DPH6: variants seen among roughly 807,000 people sequenced by gnomAD.
DPH6 encodes diphthamine biosynthesis 6.
DPH6 carries 33 observed loss-of-function variants against 38.2 expected under a neutral mutation model. The ratio of observed to expected loss-of-function variants is 0.86; its 90% confidence interval spans 0.65 to 1.15. The LOEUF is 1.15. Among genes scored for constraint, DPH6 ranks in the 50% most tolerant of loss-of-function variants. The pLI, the probability that DPH6 is intolerant of heterozygous loss-of-function variation, is 0.00. For missense variants in DPH6, 325 were observed against 320.0 expected (o/e 1.02, Z -0.12); for synonymous variants, 108 against 103.0 (o/e 1.05, Z -0.30).
intron 3 of DPH6, among the ~76,000 whole-genome samples, chr15:35,529,332 G>A (rs568980739): frequency 6.6e-6 from 1 of 152,164 alleles, no homozygotes; most frequent in South Asian, 2.1e-4. Flanking sequence ...TGAAGAGTGA[G>A]GTGCTAAACA....
At chr15:35,474,137 TAACATC>T (rs1277453842) in intron 3 of DPH6, among the ~76,000 whole-genome samples, 1 of 152,048 alleles carries the variant, frequency 6.6e-6, no homozygotes, top group Non-Finnish European at 1.5e-5. Flanking sequence ...AAACAAAAAT[TAACATC>T]AACATCAACA....
At chr15:35,486,352 C>T (rs1423360278) in intron 3 of DPH6, among the ~76,000 whole-genome samples, 1 of 151,840 alleles carries the variant, frequency 6.6e-6, no homozygotes, top group Non-Finnish European at 1.5e-5. Flanking sequence ...ACAGCCAACC[C>T]ATATCACTGG....
chr15:35,227,252 C>G (rs767049564), intron 3 of DPH6, among the ~76,000 whole-genome samples: 2 of 133,744 alleles, frequency 1.5e-5, no homozygotes, highest in East Asian at 5.0e-4. Flanking sequence ...GGCGCGATCT[C>G]GGCTCACTGC....
the DPH6 span, among the ~76,000 whole-genome samples, chr15:35,148,507 A>C: frequency 6.6e-6 from 1 of 152,190 alleles, no homozygotes; most frequent in African/African-American, 2.4e-5. Context: ...TATTCCTACC[A>C]TCCACTCAGT....
At chr15:35,304,466 T>G (rs1379158853) in intron 3 of DPH6, among the ~76,000 whole-genome samples, 1 of 152,110 alleles carries the variant, frequency 6.6e-6, no homozygotes, top group Non-Finnish European at 1.5e-5. Context: ...AGAGAAGTCC[T>G]AAGCTGACAG....
intron 6 of DPH6, among the ~76,000 whole-genome samples, chr15:35,382,806 G>T (rs1035741017): frequency 6.6e-6 from 1 of 151,604 alleles, no homozygotes; most frequent in Admixed American, 6.6e-5. Flanking sequence ...TTCAAGAAAG[G>T]TTGGGTAACT....
At chr15:35,264,568 A>C (rs769920814) in intron 3 of DPH6, among the ~76,000 whole-genome samples, 1 of 152,248 alleles carries the variant, frequency 6.6e-6, no homozygotes, top group East Asian at 1.9e-4. Flanking sequence ...TGAAGTTAGT[A>C]AGGAAATTCC....
intron 3 of DPH6, chr15:35,518,900 G>A (rs537748264): frequency 2.6e-5 from 4 of 151,966 alleles, no homozygotes; most frequent in Non-Finnish European, 4.4e-5. Context: ...AAAGGATAAG[G>A]TGTTTTTACT....
chr15:35,432,519 C>G lies in DPH6; in HGVS notation c.505+18166G>C, dbSNP rs531504958. ...AATATCAAACTGAAAGCATTTCCTA[C>G]ATCCCAGGGAGGGCAGAAACAGGTA... On this transcript the variant is annotated intron_variant, in intron 5 of 8. Transcript: ENST00000256538. 2.0e-5 allele frequency among the ~76,000 whole-genome samples: 3 copies of G among 152,290 alleles called. No individual in the cohort carries two copies. The South Asian group carries it at 6.2e-4, about 32-fold the overall frequency.
At chr15:35,305,951 T>G (rs1049619276) in intron 3 of DPH6, among the ~76,000 whole-genome samples, 1 of 152,188 alleles carries the variant, frequency 6.6e-6, no homozygotes, top group African/African-American at 2.4e-5. Flanking sequence ...TGGATCACCT[T>G]AAGCCAGCTG....
chr15:35,514,262 AAC>A (rs2054815792), intron 3 of DPH6, among the ~76,000 whole-genome samples: 1 of 152,162 alleles, frequency 6.6e-6, no homozygotes, highest in Non-Finnish European at 1.5e-5. Context: ...ATTTGCAAGT[AAC>A]AGTTTGAGAA....
At chr15:35,300,095 T>G (rs780846768) in intron 3 of DPH6, among the ~76,000 whole-genome samples, 3 of 152,192 alleles carry the variant, frequency 2.0e-5, no homozygotes, top group Non-Finnish European at 4.4e-5. Context: ...AAGAAAATCA[T>G]TTGTTTTAGG....
chr15:35,196,960 T>G, the DPH6 span, among the ~76,000 whole-genome samples: 1 of 152,210 alleles, frequency 6.6e-6, no homozygotes, highest in Non-Finnish European at 1.5e-5. Flanking sequence ...TTAATTTTTT[T>G]GAAATATGCA....
intron 3 of DPH6, among the ~76,000 whole-genome samples, chr15:35,493,490 G>C (rs763644400): frequency 4.6e-5 from 7 of 152,080 alleles, no homozygotes; most frequent in Admixed American, 6.6e-5. Flanking sequence ...CATAATACTT[G>C]AAGAAAAAGA....
At chr15:35,483,985 C>T (rs2054362807) in intron 3 of DPH6, among the ~76,000 whole-genome samples, 1 of 152,154 alleles carries the variant, frequency 6.6e-6, no homozygotes, top group Non-Finnish European at 1.5e-5. Context: ...AGCAAATCTA[C>T]AGACTTATAG....
At chr15:35,506,800 G>T (rs946226494) in intron 3 of DPH6, among the ~76,000 whole-genome samples, 1 of 152,032 alleles carries the variant, frequency 6.6e-6, no homozygotes, top group African/African-American at 2.4e-5. Flanking sequence ...CATTTTTAAC[G>T]AATTTTATTT....
chr15:35,358,123 T>A (rs1215882550), intron 3 of DPH6, among the ~76,000 whole-genome samples: 1 of 152,158 alleles, frequency 6.6e-6, no homozygotes, highest in Non-Finnish European at 1.5e-5. Flanking sequence ...GGTTGAATAC[T>A]TTGTCTTTGT....
At chr15:35,435,774 G>A (rs1468096675) in intron 5 of DPH6, among the ~76,000 whole-genome samples, 2 of 152,052 alleles carry the variant, frequency 1.3e-5, no homozygotes, top group Non-Finnish European at 1.5e-5. Flanking sequence ...GGGCATATGA[G>A]GAGGGGTGAG....
chr15:35,304,528 G>A (rs1011319808), intron 3 of DPH6, among the ~76,000 whole-genome samples: 9 of 151,906 alleles, frequency 5.9e-5, no homozygotes, highest in African/African-American at 1.7e-4. Context: ...CTCTAATTCC[G>A]AGAAAACACC....
Sources: gnomAD v4.1 joint callset for allele counts (sites outside exome capture counted in the v4.1 genomes callset) on GRCh38, gnomAD v4.1.1 for gene constraint, MANE v1.5 for transcripts, NCBI Gene and HGNC (gene_info 2026-07-23, HGNC 2026-07-21) for gene names.